FUT9: variants seen among roughly 807,000 people sequenced by gnomAD.
FUT9 encodes the protein fucosyltransferase 9.
In FUT9, 15 loss-of-function variants were observed where a neutral mutation model predicts 29.7. The ratio of observed to expected loss-of-function variants is 0.51; its 90% CI spans 0.34 to 0.78. The LOEUF (loss-of-function observed/expected upper bound fraction) is 0.78. Ranked by LOEUF, FUT9 falls within the 30% of genes least tolerant of loss-of-function variation. The pLI is 0.01. For missense variants in FUT9, 319 were observed against 425.4 expected (o/e 0.75, Z 2.20); for synonymous variants, 169 against 153.7 (o/e 1.10, Z -0.74).
rs920781640 is a variant in FUT9, at chr6:96,210,982, A to C, written c.*6747A>C. The C allele has an allele frequency of 1.8e-5, 3 of 167,006 alleles. No individual in the cohort carries two copies. In the Admixed American group the frequency reaches 2.0e-4, roughly 11 times the overall value. The allele number at this position is 167,006 out of a possible 1,614,324, so 10.3% of individuals were successfully genotyped here. On this transcript the variant is annotated 3_prime_UTR_variant, in exon 3 of 3. Coordinates refer to ENST00000302103, the MANE Select transcript of FUT9 (RefSeq NM_006581.4). ...GATATGTGTTCAAGTGTTATCTTTT[A>C]TTCTTATAAAAGATAATTGTGAGGA...
intron 1 of FUT9, among the ~76,000 whole-genome samples, chr6:96,103,681 T>C (rs1229934648): frequency 6.6e-6 from 1 of 152,188 alleles, no homozygotes; most frequent in Non-Finnish European, 1.5e-5. Context: ...AGTCTGTGTG[T>C]CTCCAAAGCT....
At chr6:96,080,979 T>C (rs1025318794) in intron 1 of FUT9, among the ~76,000 whole-genome samples, 1 of 151,920 alleles carries the variant, frequency 6.6e-6, no homozygotes, top group Admixed American at 6.6e-5. Flanking sequence ...CACATTTTCA[T>C]TCATTATGCA....
intron 1 of FUT9, among the ~76,000 whole-genome samples, chr6:96,104,441 C>T (rs1771641051): frequency 6.6e-6 from 1 of 152,092 alleles, no homozygotes; most frequent in Non-Finnish European, 1.5e-5. Context: ...CATACATGGT[C>T]CATATATGAA....
At chr6:96,196,043 T>G (rs1040058768) in intron 2 of FUT9, among the ~76,000 whole-genome samples, 38 of 152,126 alleles carry the variant, frequency 2.5e-4, no homozygotes, top group Non-Finnish European at 1.5e-4. Flanking sequence ...ATACAGATAA[T>G]TATGGATATA....
intron 1 of FUT9, among the ~76,000 whole-genome samples, chr6:96,057,262 T>C (rs1355596081): frequency 1.3e-5 from 2 of 152,224 alleles, no homozygotes; most frequent in Non-Finnish European, 2.9e-5. Flanking sequence ...ACTATCAACC[T>C]TTTATTTTTC....
chr6:96,080,184 C>A (rs1179250860), intron 1 of FUT9, among the ~76,000 whole-genome samples: 1 of 150,762 alleles, frequency 6.6e-6, no homozygotes, highest in African/African-American at 2.4e-5. Flanking sequence ...TGATCTATTT[C>A]TCAGTAGTTC....
chr6:96,192,311 C>T (rs1742378676), intron 2 of FUT9, among the ~76,000 whole-genome samples: 1 of 152,170 alleles, frequency 6.6e-6, no homozygotes, highest in South Asian at 2.1e-4. Flanking sequence ...ACCCCATCAT[C>T]TCAACCTAAA....
At chr6:96,126,088 A>G (rs183792745) in intron 2 of FUT9, among the ~76,000 whole-genome samples, 3 of 152,138 alleles carry the variant, frequency 2.0e-5, no homozygotes, top group Admixed American at 2.0e-4. Context: ...AGCCTCTCTC[A>G]TGTCGGCGCA....
At chr6:96,045,885 G>A (rs547238652) in intron 1 of FUT9, among the ~76,000 whole-genome samples, 3 of 152,174 alleles carry the variant, frequency 2.0e-5, no homozygotes, top group Non-Finnish European at 2.9e-5. Context: ...TGGGTGCCTC[G>A]AGGAGGAGGA....
chr6:96,092,411 G>T (rs1771426419), intron 1 of FUT9, among the ~76,000 whole-genome samples: 2 of 152,100 alleles, frequency 1.3e-5, no homozygotes, highest in African/African-American at 4.8e-5. Context: ...AGAATGTTGA[G>T]AGTATATTCC....
chr6:96,074,584 T>A (rs973396183), intron 1 of FUT9, among the ~76,000 whole-genome samples: 14 of 152,206 alleles, frequency 9.2e-5, no homozygotes, highest in Non-Finnish European at 1.6e-4. Context: ...CTAAAGAATA[T>A]TTTGGAGTCT....
Position 96,210,915 on chromosome 6 carries a change from G to A in FUT9, c.*6680G>A. 2 of 166,854 alleles carry A rather than the reference G, an allele frequency of 1.2e-5. No homozygotes were observed. The allele number at this position is 166,854 out of a possible 1,614,324, so 10.3% of individuals were successfully genotyped here. ...TATCCTCAGATTTTGCAGCTGTAAA[G>A]CAGAGGTAGCATATTTCTGAGAAAT... On this transcript the variant is annotated 3_prime_UTR_variant, in exon 3 of 3. Transcript: ENST00000302103.
At chr6:96,022,878 C>T (rs912588294) in intron 1 of FUT9, among the ~76,000 whole-genome samples, 2 of 151,760 alleles carry the variant, frequency 1.3e-5, no homozygotes, top group Non-Finnish European at 2.9e-5. Flanking sequence ...ACGTGTATAT[C>T]CTGTATGTTA....
chr6:96,050,678 G>A (rs1770650028), intron 1 of FUT9, among the ~76,000 whole-genome samples: 1 of 152,184 alleles, frequency 6.6e-6, no homozygotes, highest in African/African-American at 2.4e-5. Context: ...TGATCTCAGA[G>A]ATATCCTATG....
In FUT9 at chr6:96,213,658, G is replaced by C. The variant is rs1261119971; in HGVS notation, c.*9423G>C. The C allele has an allele frequency of 6.0e-6, 1 of 166,660 alleles. No homozygotes were observed. Among genetic ancestry groups the C allele is most frequent in the Non-Finnish European group, 1.5e-5 (1 of 67,986 alleles). The allele number at this position is 166,660 out of a possible 1,614,324, so 10.3% of individuals were successfully genotyped here. On this transcript the variant is annotated 3_prime_UTR_variant, in exon 3 of 3. Transcript: ENST00000302103. ...GTATTATTGCGATGCAGACCCAATA[G>C]GGTTATTTTAAGCACACTAATTAGT...
intron 1 of FUT9, among the ~76,000 whole-genome samples, chr6:96,082,527 T>C (rs574279531): frequency 6.6e-6 from 1 of 152,070 alleles, no homozygotes; most frequent in East Asian, 1.9e-4. Flanking sequence ...CTGAATTATA[T>C]AACAATAGCT....
chr6:96,094,167 C>A (rs930914132), intron 1 of FUT9, among the ~76,000 whole-genome samples: 2 of 152,132 alleles, frequency 1.3e-5, no homozygotes, highest in Non-Finnish European at 2.9e-5. Context: ...GAAAAGATTA[C>A]ATGAAAAATT....
intron 1 of FUT9, among the ~76,000 whole-genome samples, chr6:96,098,541 T>A (rs192516253): frequency 6.6e-6 from 1 of 152,316 alleles, no homozygotes; most frequent in Admixed American, 6.5e-5. Flanking sequence ...ATTGTCAGTT[T>A]CAGCCACTGT....
intron 1 of FUT9, among the ~76,000 whole-genome samples, chr6:96,034,456 A>C (rs1271552512): frequency 6.6e-6 from 1 of 151,768 alleles, no homozygotes; most frequent in Non-Finnish European, 1.5e-5. Flanking sequence ...CAATACCAAA[A>C]TGGACCATAA....
Sources: allele counts gnomAD v4.1 joint callset (sites outside exome capture counted in the v4.1 genomes callset), GRCh38; gene constraint gnomAD v4.1.1; transcripts MANE v1.5; gene names NCBI Gene and HGNC (gene_info 2026-07-23, HGNC 2026-07-21).